Variants in ROBO2 observed in about 807,000 individuals in gnomAD.
ROBO2 encodes the protein roundabout guidance receptor 2.
A neutral mutation model predicts 160.8 loss-of-function variants in ROBO2; 53 were observed. The ratio of observed to expected loss-of-function variants is 0.33; its 90% confidence interval spans 0.26 to 0.41. The LOEUF is 0.41. ROBO2 is among the 10% of genes least tolerant of loss of function. The pLI is 1.00. For synonymous variants in ROBO2, 664 were observed against 611.7 expected (o/e 1.09, Z -1.26); for missense variants, 1,577 against 1,722.4 (o/e 0.92, Z 1.49).
chr3:77,432,234 T>C (rs188781661), intron 2 of ROBO2, among the ~76,000 whole-genome samples: 17 of 152,294 alleles, frequency 1.1e-4, no homozygotes, highest in Non-Finnish European at 1.8e-4. Context: ...CAGAAGTTTA[T>C]AGGAAATGTA....
rs2062322986 is a variant in ROBO2, at chr3:77,298,158, T to C, written c.389-179256T>C. Among the ~76,000 whole-genome samples the C allele has an allele frequency of 3.3e-5, 5 of 152,120 alleles. 1 individual carries two copies. The highest frequency in any genetic ancestry group is 1.3e-4 in the Admixed American group (2 of 15,254). ...GAAATTCTGAAGGTTGTGACTTAGA[T>C]GAAGAAAAATTCTCAGCATGAATTG... On this transcript the variant is annotated intron_variant, in intron 2 of 25. Coordinates refer to ENST00000461745, the Ensembl canonical transcript of ROBO2.
chr3:76,858,650 G>T (rs1365480272), intron 2 of ROBO2, among the ~76,000 whole-genome samples: 1 of 152,134 alleles, frequency 6.6e-6, no homozygotes, highest in Non-Finnish European at 1.5e-5. Context: ...AATAGTAAAG[G>T]CCCTGCCCAG....
In ROBO2 at chr3:76,354,826, G is replaced by A. The variant is rs531488890; in HGVS notation, c.109+417224G>A. Among the ~76,000 whole-genome samples the A allele has an allele frequency of 6.6e-5, 10 of 151,920 alleles. No individual in the cohort carries two copies. In the East Asian group the frequency reaches 1.9e-3, roughly 30 times the overall value. ...CCTCAGCACAGATGTCTGTTTACAT[G>A]TATCATACCTGCCATGGACTTTTTA... is the stretch of plus-strand genomic sequence containing the variant. On this transcript the variant is annotated intron_variant, in intron 2 of 26. Transcript: ENST00000487694.
chr3:77,117,927 G>T (rs559006969), intron 2 of ROBO2, among the ~76,000 whole-genome samples: 11 of 152,210 alleles, frequency 7.2e-5, no homozygotes, highest in African/African-American at 1.4e-4. Flanking sequence ...TTACTAAACT[G>T]ATAAGAACTT....
At chr3:77,524,719 A>G (rs2090960581) in intron 6 of ROBO2, among the ~76,000 whole-genome samples, 2 of 151,458 alleles carry the variant, frequency 1.3e-5, no homozygotes, top group Middle Eastern at 6.8e-3. Context: ...TTAACAAAGC[A>G]TGCTCCTCAT....
chr3:76,128,339 G>A (rs1014922766), intron 2 of ROBO2, among the ~76,000 whole-genome samples: 4 of 152,156 alleles, frequency 2.6e-5, no homozygotes, highest in Middle Eastern at 3.4e-3. Flanking sequence ...TTTCTCTTAC[G>A]AAAAAGAGGG....
chr3:76,337,630 T>G (rs947585135), intron 2 of ROBO2, among the ~76,000 whole-genome samples: 2 of 151,654 alleles, frequency 1.3e-5, no homozygotes, highest in African/African-American at 4.8e-5. Flanking sequence ...GAGAAAGGAG[T>G]CAGGGAACAA....
Position 77,180,416 on chromosome 3 carries a change from C to CTCTCTATATATATATATATA in ROBO2, c.388+82077_388+82078insCTCTATATATATATATATAT, listed in dbSNP as rs1433740534. On this transcript the variant is annotated intron_variant, in intron 2 of 25. Transcript: ENST00000461745. Reference sequence around the variant, plus strand: ...TCTCTCTCTCTCTCTCTCTCTCTCTCTATATATATATATATGTATTTTTTT... The same window carrying CTCTCTATATATATATATATA: ...TCTCTCTCTCTCTCTCTCTCTCTCTCTCTCTATATATATATATATATATATATATATATATGTATTTTTTT... 3.5e-3 allele frequency among the ~76,000 whole-genome samples: 317 copies of CTCTCTATATATATATATATA among 90,644 alleles called. 1 individual carries two copies. Among genetic ancestry groups the CTCTCTATATATATATATATA allele is most frequent in the Non-Finnish European group, 5.3e-3 (232 of 43,836 alleles). The allele number at this position is 90,644 out of a possible 152,430, so 59.5% of individuals were successfully genotyped here.
intron 2 of ROBO2, among the ~76,000 whole-genome samples, chr3:76,163,493 CTG>C (rs561248756): frequency 1.2e-3 from 183 of 148,574 alleles, no homozygotes; most frequent in Non-Finnish European, 1.9e-3. Flanking sequence ...CAATATATAA[CTG>C]TGTATTATAT....
intron 2 of ROBO2, among the ~76,000 whole-genome samples, chr3:76,329,806 C>T (rs2073344164): frequency 6.6e-6 from 1 of 152,206 alleles, no homozygotes; most frequent in South Asian, 2.1e-4. Context: ...GAAAGACCCA[C>T]TTTGGAGACA....
chr3:76,468,361 C>A (rs541011925), intron 2 of ROBO2, among the ~76,000 whole-genome samples: 1 of 152,066 alleles, frequency 6.6e-6, no homozygotes, highest in African/African-American at 2.4e-5. Flanking sequence ...CCTGTTTATT[C>A]GTTGCCTCTT....
chr3:76,026,758 G>A (rs1339531044), intron 2 of ROBO2, among the ~76,000 whole-genome samples: 2 of 151,960 alleles, frequency 1.3e-5, no homozygotes, highest in East Asian at 1.9e-4. Context: ...TATACAAAAT[G>A]TGAAGTAGGG....
intron 2 of ROBO2, among the ~76,000 whole-genome samples, chr3:76,717,231 C>T (rs575895156): frequency 1.0e-3 from 153 of 151,782 alleles, no homozygotes; most frequent in African/African-American, 3.4e-3. Context: ...CGGTGGCTCA[C>T]GCCTGTAATC....
chr3:77,336,818 G>A (rs1427824785), intron 2 of ROBO2, among the ~76,000 whole-genome samples: 1 of 152,194 alleles, frequency 6.6e-6, no homozygotes, highest in Non-Finnish European at 1.5e-5. Context: ...TGTGAATAAT[G>A]CGTAGCTTCT....
chr3:76,441,956 GAAGA>G lies in ROBO2; in HGVS notation c.109+504355_109+504358del, dbSNP rs750832169. 2.0e-4 allele frequency among the ~76,000 whole-genome samples: 30 copies of G among 152,210 alleles called. 1 individual carries two copies. Among genetic ancestry groups the G allele is most frequent in the Admixed American group, 2.0e-4 (3 of 15,264 alleles). Reference sequence around the variant, plus strand: ...TTAAGGGGACAGAGGAAGCAAGAAAGAAGAGAGAGAGAGAAAGAATCTGAGATCA... The same window carrying G: ...TTAAGGGGACAGAGGAAGCAAGAAAGGAGAGAGAGAAAGAATCTGAGATCA... On this transcript the variant is annotated intron_variant, in intron 2 of 26. Coordinates refer to the ROBO2 transcript ENST00000487694.
intron 2 of ROBO2, among the ~76,000 whole-genome samples, chr3:76,527,306 T>A (rs1005351410): frequency 6.6e-6 from 1 of 152,102 alleles, no homozygotes; most frequent in African/African-American, 2.4e-5. Context: ...TATCACTAAT[T>A]TTTTTAAAAA....
At chr3:77,535,738 G>A (rs189968068) in intron 6 of ROBO2, among the ~76,000 whole-genome samples, 2 of 152,204 alleles carry the variant, frequency 1.3e-5, no homozygotes, top group Admixed American at 1.3e-4. Context: ...TGGGACAATG[G>A]AATTTAAAAG....
intron 1 of ROBO2, among the ~76,000 whole-genome samples, chr3:77,072,468 C>G (rs2067527815): frequency 6.6e-6 from 1 of 152,056 alleles, no homozygotes; most frequent in Non-Finnish European, 1.5e-5. Flanking sequence ...TAGAACTGAC[C>G]AAGGCCTTTT....
intron 2 of ROBO2, among the ~76,000 whole-genome samples, chr3:76,539,769 A>G (rs1020074970): frequency 6.6e-6 from 1 of 152,206 alleles, no homozygotes. Context: ...TTAAAACTTA[A>G]CCCACAAAAA....
Sources: allele counts gnomAD v4.1 joint callset (sites outside exome capture counted in the v4.1 genomes callset), GRCh38; gene constraint gnomAD v4.1.1; transcripts MANE v1.5; gene names NCBI Gene and HGNC (gene_info 2026-07-23, HGNC 2026-07-21).